UNC5D: variants seen among roughly 807,000 people sequenced by gnomAD.
UNC5D encodes netrin receptor UNC5D.
In UNC5D, 39 loss-of-function variants were observed where a neutral mutation model predicts 105.4. The observed-to-expected ratio is 0.37, with a 90% CI of 0.29 to 0.48. The LOEUF (loss-of-function observed/expected upper bound fraction) is 0.48, where lower values mean the gene tolerates loss of function less well. Among genes scored for constraint, UNC5D ranks in the 20% least tolerant of loss-of-function variants. The pLI is 0.98. For synonymous variants in UNC5D, 452 were observed against 450.4 expected, an observed-to-expected ratio of 1.00 and a Z score of -0.04; for missense variants, 991 against 1,202.4, an observed-to-expected ratio of 0.82 and a Z score of 2.60.
At chr8:35,572,804 CTTTT>C (rs34528421) in intron 3 of UNC5D, among the ~76,000 whole-genome samples, 3 of 135,878 alleles carry the variant, frequency 2.2e-5, no homozygotes, top group African/African-American at 2.7e-5. Flanking sequence ...TTTTATATTT[CTTTT>C]TTTTTTTTTT....
chr8:35,276,867 G>T (rs1805810847), intron 1 of UNC5D, among the ~76,000 whole-genome samples: 1 of 152,102 alleles, frequency 6.6e-6, no homozygotes, highest in Non-Finnish European at 1.5e-5. Context: ...TTTACTTGGA[G>T]GTTTACTAAA....
At chr8:35,533,400 C>A (rs1449696778) in intron 1 of UNC5D, among the ~76,000 whole-genome samples, 1 of 152,000 alleles carries the variant, frequency 6.6e-6, no homozygotes, top group Non-Finnish European at 1.5e-5. Flanking sequence ...GGCAGTCTGC[C>A]AGTTCTCAGA....
chr8:35,595,975 G>A (rs77896825), intron 4 of UNC5D, among the ~76,000 whole-genome samples: 2,840 of 152,220 alleles, frequency 0.019, 96 homozygotes, highest in African/African-American at 0.065. Context: ...CTTCTGATAT[G>A]CATATTGGCT....
At position 35,790,531 on chromosome 8, in the gene UNC5D, G is replaced by A. The variant is rs751419722; in HGVS notation, c.2830G>A (p.Asp944Asn). ...TTCAGAATCCCAGCTTGATGAAGCC[G>A]ACTTCAACTACAGCAGGCAAAATGG... ...NISESQLDEA[D>N]FNYSRQNGL is the part of the protein sequence containing the mutation. The change falls in exon 17 of 17, where the codon GAC (aspartate) becomes AAC (asparagine). Residue 944 changes from aspartate (D) to asparagine (N), a missense_variant. By Grantham distance (23) the Asp-to-Asn change is conservative. This residue lies in a region of UNC5D where 45 missense variants were observed against 54.5 expected (regional missense o/e 0.83). Coordinates refer to ENST00000404895, the MANE Select transcript of UNC5D (RefSeq NM_080872.4). 1.5e-5 allele frequency: 24 copies of A among 1,613,652 alleles called. No individual in the cohort carries two copies. The highest frequency in any genetic ancestry group is 1.9e-5 in the Non-Finnish European group (23 of 1,179,844).
intron 4 of UNC5D, among the ~76,000 whole-genome samples, chr8:35,618,253 A>G (rs1821154232): frequency 6.6e-6 from 1 of 152,180 alleles, no homozygotes; most frequent in South Asian, 2.1e-4. Flanking sequence ...TTATCTAGGT[A>G]CCAGTGGAGA....
chr8:35,528,380 C>A lies in UNC5D; in HGVS notation c.104-20912C>A, dbSNP rs1316869531. Reference sequence around the variant, plus strand: ...GTCCCTACAAAGGACACAAACTCATCATTTTTTATGGCTGCATAGTACTCT... The same window carrying A: ...GTCCCTACAAAGGACACAAACTCATAATTTTTTATGGCTGCATAGTACTCT... On this transcript the variant is annotated intron_variant, in intron 1 of 16. Transcript: ENST00000404895. Among the ~76,000 whole-genome samples, 16 of 150,968 alleles carry A rather than the reference C, an allele frequency of 1.1e-4. No individual in the cohort carries two copies. In the Admixed American group the frequency reaches 1.1e-3, roughly 10 times the overall value.
At chr8:35,451,697 A>G (rs1389858380) in intron 1 of UNC5D, among the ~76,000 whole-genome samples, 1 of 152,124 alleles carries the variant, frequency 6.6e-6, no homozygotes, top group African/African-American at 2.4e-5. Context: ...TGGTCCTGCT[A>G]TGATGCTGTC....
intron 1 of UNC5D, among the ~76,000 whole-genome samples, chr8:35,401,663 T>G (rs1027822705): frequency 6.6e-6 from 1 of 152,172 alleles, no homozygotes; most frequent in Non-Finnish European, 1.5e-5. Flanking sequence ...TCTCTTTCCC[T>G]AAACTGAAAG....
chr8:35,371,180 ACAC>A (rs1802409227), intron 1 of UNC5D, among the ~76,000 whole-genome samples: 1 of 44,868 alleles, frequency 2.2e-5, no homozygotes, highest in African/African-American at 1.0e-4. Flanking sequence ...GCCACTGCAC[ACAC>A]ACACACACAC....
At chr8:35,677,877 G>T (rs1451219843) in intron 4 of UNC5D, among the ~76,000 whole-genome samples, 10 of 136,058 alleles carry the variant, frequency 7.3e-5, no homozygotes, top group Non-Finnish European at 1.7e-4. Flanking sequence ...GTTTTTATAG[G>T]GTGTGTGAGT....
At chr8:35,353,401 T>C (rs1812383549) in intron 1 of UNC5D, among the ~76,000 whole-genome samples, 1 of 152,230 alleles carries the variant, frequency 6.6e-6, no homozygotes, top group Non-Finnish European at 1.5e-5. Flanking sequence ...CATTTCATAA[T>C]ACTGTTGTCG....
chr8:35,744,215 T>C (rs1829897499), intron 11 of UNC5D, among the ~76,000 whole-genome samples: 1 of 152,230 alleles, frequency 6.6e-6, no homozygotes, highest in Admixed American at 6.5e-5. Flanking sequence ...GACGCTAGGT[T>C]CTCTTCTCTG....
chr8:35,247,035 T>A (rs1803148910), intron 1 of UNC5D, among the ~76,000 whole-genome samples: 1 of 152,024 alleles, frequency 6.6e-6, no homozygotes, highest in African/African-American at 2.4e-5. Flanking sequence ...CTTGCTTGGC[T>A]TTTAGAGGTC....
intron 1 of UNC5D, among the ~76,000 whole-genome samples, chr8:35,495,918 G>A (rs1811555965): frequency 1.3e-5 from 2 of 152,160 alleles, no homozygotes; most frequent in South Asian, 4.1e-4. Context: ...AAGATACAAT[G>A]CTGAAAAAAG....
intron 1 of UNC5D, among the ~76,000 whole-genome samples, chr8:35,354,193 C>T (rs1406897517): frequency 6.6e-6 from 1 of 152,086 alleles, no homozygotes; most frequent in Admixed American, 6.6e-5. Context: ...AAGTGTTAAT[C>T]TGGGGTTCCA....
chr8:35,767,843 T>C (rs967020615), intron 15 of UNC5D, among the ~76,000 whole-genome samples: 4 of 152,140 alleles, frequency 2.6e-5, no homozygotes, highest in African/African-American at 9.7e-5. Flanking sequence ...CTTTATGGCT[T>C]TGAACATAAG....
intron 1 of UNC5D, among the ~76,000 whole-genome samples, chr8:35,437,728 T>G (rs1373859868): frequency 1.3e-5 from 2 of 152,102 alleles, no homozygotes; most frequent in Non-Finnish European, 2.9e-5. Flanking sequence ...TTGTGGGGCC[T>G]TCTGTAAAGA....
intron 1 of UNC5D, among the ~76,000 whole-genome samples, chr8:35,342,746 CAGGGGAGACACTGTGCTCG>C (rs1287621888): frequency 6.6e-6 from 1 of 152,038 alleles, no homozygotes. Flanking sequence ...CTTACTAGCT[CAGGGGAGACACTGTGCTCG>C]ATCACCTCCA....
chr8:35,719,968 G>T (rs1437585794), intron 8 of UNC5D, among the ~76,000 whole-genome samples: 2 of 152,122 alleles, frequency 1.3e-5, no homozygotes, highest in Non-Finnish European at 2.9e-5. Context: ...AGATGTTCCT[G>T]GGAGAGAAAA....
Sources: gnomAD v4.1 joint callset for allele counts (sites outside exome capture counted in the v4.1 genomes callset) on GRCh38, gnomAD v4.1.1 for gene constraint, gnomAD v4.1.1 regional missense constraint, MANE v1.5 for transcripts, NCBI Gene and HGNC (gene_info 2026-07-23, HGNC 2026-07-21) for gene names.